Variants in PCDHA2 observed in about 807,000 individuals in gnomAD.
PCDHA2 encodes protocadherin alpha 2.
PCDHA2 carries 58 observed loss-of-function variants against 66.0 expected under a neutral mutation model. The observed-to-expected ratio is 0.88, with a 90% CI of 0.71 to 1.09. PCDHA2 has a LOEUF of 1.09. PCDHA2 is among the 50% of genes least tolerant of loss of function. The pLI is 0.00. For synonymous variants in PCDHA2, 634 were observed against 554.0 expected (o/e 1.14, Z -2.03); for missense variants, 1,267 against 1,242.3 (o/e 1.02, Z -0.30).
At chr5:141,003,941 G>A (rs532794918) in intron 3 of PCDHA2, among the ~76,000 whole-genome samples, 1 of 152,236 alleles carries the variant, frequency 6.6e-6, no homozygotes, top group African/African-American at 2.4e-5. Flanking sequence ...TTTGCCTGAG[G>A]GTGAGCTAGG....
At chr5:140,858,508 T>C (rs1554151704) in intron 1 of PCDHA2, 2 of 1,443,968 alleles carry the variant, frequency 1.4e-6, no homozygotes, top group East Asian at 2.5e-5. Context: ...TTTTCTCAAA[T>C]ATGTATCAGA....
intron 1 of PCDHA2, chr5:140,861,198 G>A: frequency 6.1e-6 from 1 of 162,948 alleles, no homozygotes; most frequent in Non-Finnish European, 1.3e-5. Context: ...ATGAAATATT[G>A]TTTTACTAAC....
chr5:140,822,590 T>A (rs1767358678), intron 1 of PCDHA2: 1 of 1,612,192 alleles, frequency 6.2e-7, no homozygotes, highest in African/African-American at 1.3e-5. Flanking sequence ...GATGAGGGCA[T>A]CAATAAGGAA....
In PCDHA2 at chr5:140,835,672, G is replaced by A. The variant is rs2150241563; in HGVS notation, c.2388+38320G>A. On this transcript the variant is annotated intron_variant, in intron 1 of 3. Coordinates refer to ENST00000526136, the MANE Select transcript of PCDHA2 (RefSeq NM_018905.3). The stretch of plus-strand genomic sequence containing the variant: ...GAGCTGGTGGTTACCGCGCGGGACG[G>A]GGGCTCGCCTTCTCTGTGGGCCACT... 1.9e-6 allele frequency: 3 copies of A among 1,613,926 alleles called. No individual in the cohort carries two copies. The South Asian group carries it at 3.3e-5, about 18-fold the overall frequency.
rs145430316 is a variant in PCDHA2 at position 140,849,629 on chromosome 5, C to T, written c.2388+52277C>T. The T allele has an allele frequency of 6.9e-4, 1,102 of 1,598,720 alleles. 110 individuals carry two copies. The highest frequency in any genetic ancestry group is 1.2e-3 in the South Asian group (106 of 90,564). On this transcript the variant is annotated intron_variant, in intron 1 of 3. Transcript: ENST00000526136. ...CCCTGATTAGTGTGATCGACCTAGA[C>T]GCAGATGCCAACGGGCAGGTTACCT...
chr5:140,890,409 A>G (rs1554184285), intron 1 of PCDHA2, among the ~76,000 whole-genome samples: 1 of 152,174 alleles, frequency 6.6e-6, no homozygotes, highest in Non-Finnish European at 1.5e-5. Context: ...TTTAACTTGA[A>G]TATTTATTTA....
At chr5:140,870,512 G>A in intron 1 of PCDHA2, 1 of 1,614,224 alleles carries the variant, frequency 6.2e-7, no homozygotes, top group Non-Finnish European at 8.5e-7. Flanking sequence ...AACCCACCAG[G>A]CTGCCACATC....
chr5:140,992,418 A>G (rs2097510878), intron 3 of PCDHA2, among the ~76,000 whole-genome samples: 1 of 152,164 alleles, frequency 6.6e-6, no homozygotes, highest in South Asian at 2.1e-4. Flanking sequence ...CCCCAGGTCT[A>G]AGAATATTGT....
chr5:140,801,927 A>G (rs374257547), intron 1 of PCDHA2: 12 of 1,614,214 alleles, frequency 7.4e-6, no homozygotes, highest in Non-Finnish European at 1.0e-5. Flanking sequence ...AGCGTTTGAG[A>G]GGACGATCTA....
At chr5:140,836,324 T>A (rs1774378159) in intron 1 of PCDHA2, 3 of 1,613,578 alleles carry the variant, frequency 1.9e-6, no homozygotes, top group Non-Finnish European at 2.5e-6. Context: ...GCCACCGCCT[T>A]CTGGTGCTTG....
chr5:140,870,722 G>C (rs1554164638), intron 1 of PCDHA2: 20 of 1,613,222 alleles, frequency 1.2e-5, no homozygotes, highest in Non-Finnish European at 1.4e-5. Context: ...CGCGATGCGG[G>C]CGTGCCGCCT....
Position 140,883,457 on chromosome 5 carries a change from C to T in PCDHA2, c.2388+86105C>T, listed in dbSNP as rs142331981. Reference sequence around the variant, plus strand: ...CTTGACGCCGCATGTCCCCTTCAAGCTGGTGTCCACCTACAAGAACTACTA... The same window carrying T: ...CTTGACGCCGCATGTCCCCTTCAAGTTGGTGTCCACCTACAAGAACTACTA... On this transcript the variant is annotated intron_variant, in intron 1 of 3. Coordinates refer to ENST00000526136, the MANE Select transcript of PCDHA2 (RefSeq NM_018905.3). 3.6e-4 allele frequency: 576 copies of T among 1,614,196 alleles called. 4 individuals are homozygous for T. In the African/African-American group the frequency reaches 6.4e-3, roughly 18 times the overall value.
At chr5:140,877,970 T>A in intron 1 of PCDHA2, 1 of 1,279,190 alleles carries the variant, frequency 7.8e-7, no homozygotes. Flanking sequence ...TTCTTGGTCA[T>A]TCTTACTCAT....
chr5:140,841,080 C>T, intron 1 of PCDHA2: 1 of 535,424 alleles, frequency 1.9e-6, no homozygotes, highest in Non-Finnish European at 3.2e-6. Flanking sequence ...ATAGAAAGTG[C>T]ATAGAAGAAC....
chr5:140,871,656 A>C, intron 1 of PCDHA2: 1 of 1,231,284 alleles, frequency 8.1e-7, no homozygotes, highest in Non-Finnish European at 1.1e-6. Flanking sequence ...AATGATACAC[A>C]TCTTCAGTCT....
At chr5:140,899,158 T>G (rs1285542285) in intron 1 of PCDHA2, among the ~76,000 whole-genome samples, 1 of 152,188 alleles carries the variant, frequency 6.6e-6, no homozygotes, top group African/African-American at 2.4e-5. Context: ...TGACTTCCTC[T>G]TTTCCTAATT....
chr5:140,795,198 T>G lies in PCDHA2; in HGVS notation c.234T>G (p.Asn78Lys), dbSNP rs1461461674. 6.2e-7 allele frequency: 1 copy of G among 1,614,114 alleles called. No individual in the cohort carries two copies. The highest frequency in any genetic ancestry group is 2.2e-5 in the East Asian group (1 of 44,882). Reference sequence around the variant, plus strand: ...GACACGGGGACCTTCTGGAGGTAAATCTGCAGAATGGCATTTTGTTTGTGA... The same window carrying G: ...GACACGGGGACCTTCTGGAGGTAAAGCTGCAGAATGGCATTTTGTTTGTGA... ...SKRHGDLLEVNLQNGILFVNS... is the reference protein window; with the variant it reads ...SKRHGDLLEVKLQNGILFVNS... Residue 78 changes from asparagine (N) to lysine (K), a missense_variant, in exon 1 of 4, where the codon AAT (asparagine) becomes AAG (lysine). Asn to Lys is a moderately conservative substitution (Grantham distance 94). Transcript: ENST00000526136.
chr5:140,846,294 A>G (rs2150386529), intron 1 of PCDHA2, among the ~76,000 whole-genome samples: 1 of 149,296 alleles, frequency 6.7e-6, no homozygotes, highest in Non-Finnish European at 1.5e-5. Flanking sequence ...AGTTCTATGA[A>G]TTAAGTAAAC....
intron 1 of PCDHA2, chr5:140,828,505 A>C (rs2150156185): frequency 6.2e-7 from 1 of 1,614,210 alleles, no homozygotes; most frequent in South Asian, 1.1e-5. Context: ...TAGAGGAACA[A>C]AGAGTGCTGA....
Sources: allele counts gnomAD v4.1 joint callset (sites outside exome capture counted in the v4.1 genomes callset), GRCh38; gene constraint gnomAD v4.1.1; transcripts MANE v1.5; gene names NCBI Gene and HGNC (gene_info 2026-07-23, HGNC 2026-07-21).